Variants in CCDC121 observed in about 807,000 individuals in gnomAD.
CCDC121 encodes the protein coiled-coil domain containing 121.
For synonymous variants in CCDC121, 108 were observed against 120.0 expected, an observed-to-expected ratio of 0.90 and a Z score of 0.65; for missense variants, 238 against 304.1, an observed-to-expected ratio of 0.78 and a Z score of 1.62.
In CCDC121 at chr2:27,627,709, G is replaced by A; in HGVS notation, c.91C>T (p.Leu31Phe). 6.2e-7 allele frequency: 1 copy of A among 1,613,902 alleles called. No individual in the cohort carries two copies. The highest frequency in any genetic ancestry group is 8.5e-7 in the Non-Finnish European group (1 of 1,180,020). The change falls in exon 2 of 2, where the codon CTT becomes TTT. Residue 31 changes from leucine (L) to phenylalanine (F), a missense_variant. Physicochemically the swap from Leu to Phe is conservative, Grantham distance 22. Coordinates refer to ENST00000324364, the MANE Select transcript of CCDC121 (RefSeq NM_024584.5). Reference sequence around the variant, plus strand: ...AAGAATCTGTTTTCAGCCTGGACAAGTAACTTTTCTCGGTGTAGCTCCCTG... The same window carrying A: ...AAGAATCTGTTTTCAGCCTGGACAAATAACTTTTCTCGGTGTAGCTCCCTG... The part of the protein sequence containing the change: ...ESRELHREKL[L>F]VQAENRFFLE...
chr2:27,627,554 T>C lies in CCDC121; in HGVS notation c.246A>G (p.Gln82=), dbSNP rs757138149. 28 of 1,614,190 alleles carry C rather than the reference T, an allele frequency of 1.7e-5. No homozygotes were observed. The highest frequency in any genetic ancestry group is 2.1e-5 in the Non-Finnish European group (25 of 1,180,036). The change falls in exon 2 of 2, where the codon CAA becomes CAG. Residue 82 remains glutamine (Q), a synonymous_variant. Transcript: ENST00000324364. ...AGAGCGCTGTTTTAAGCACTGAAAT[T>C]TGTTCTGCATATCTGGAGGCTGATT... ...RQESASRYAE[Q]ISVLKTALLQ... is the part of the protein sequence containing the mutation.
chr2:27,628,769 C>T, intron 1 of CCDC121, 181 bp downstream of exon 1: 2 of 1,534,476 alleles, frequency 1.3e-6, no homozygotes, highest in Non-Finnish European at 1.8e-6. Flanking sequence ...CCCATCTCTT[C>T]TGGCCTTCCT....
In CCDC121 at chr2:27,627,282, A is replaced by G. The variant is rs747230811; in HGVS notation, c.518T>C (p.Leu173Pro). ...CTTCAAGGCCTGGGCCTTCATATTA[A>G]GCTCTCTTCTTTTTCTCTTTCCCAG... ...RLLGKRKRRELNMKAQALKLA... is the reference protein window; with the variant it reads ...RLLGKRKRREPNMKAQALKLA... Residue 173 changes from leucine to proline, a missense_variant, in exon 2 of 2, where the codon CTT (leucine) becomes CCT (proline). By Grantham distance (98) the Leu-to-Pro change is moderately conservative. Transcript: ENST00000324364. 1.2e-6 allele frequency: 2 copies of G among 1,613,886 alleles called. No homozygotes were observed. The highest frequency in any genetic ancestry group is 1.7e-6 in the Non-Finnish European group (2 of 1,179,860).
chr2:27,627,888 G>C lies in CCDC121; in HGVS notation c.-89C>G. 6.2e-7 allele frequency: 1 copy of C among 1,613,742 alleles called. No individual in the cohort carries two copies. Among genetic ancestry groups the C allele is most frequent in the Non-Finnish European group, 8.5e-7 (1 of 1,179,778 alleles). On this transcript the variant is annotated 5_prime_UTR_variant, in exon 2 of 2. Transcript: ENST00000324364. The stretch of plus-strand genomic sequence containing the variant: ...ATTATTTATTAGACTATGATACGGT[G>C]GAAGGAGCCTTCTGGGGCCCTCAGC...
At position 27,627,740 on chromosome 2, in the gene CCDC121, C is replaced by G. The variant is rs374569894; in HGVS notation, c.60G>C (p.Glu20Asp). ...QAQTQRKQLL[E>D]ESRELHREKL... ...TTTCTCGGTGTAGCTCCCTGGATTC[C>G]TCCAGTAGCTGTTTCCGCTGGGTTT... Residue 20 changes from glutamate to aspartate, a missense_variant, in exon 2 of 2, where the codon GAG becomes GAC. Transcript: ENST00000324364. The G allele has an allele frequency of 1.2e-6, 2 of 1,613,660 alleles. No individual in the cohort carries two copies. Among genetic ancestry groups the G allele is most frequent in the African/African-American group, 2.7e-5 (2 of 74,760 alleles).
At position 27,627,878 on chromosome 2, in the gene CCDC121, A is replaced by G. The variant is rs1558483109; in HGVS notation, c.-79T>C. 6.2e-7 allele frequency: 1 copy of G among 1,614,078 alleles called. No individual in the cohort carries two copies. The highest frequency in any genetic ancestry group is 1.3e-5 in the African/African-American group (1 of 75,026). Reference sequence around the variant, plus strand: ...GCTTGACAAAATTATTTATTAGACTATGATACGGTGGAAGGAGCCTTCTGG... The same window carrying G: ...GCTTGACAAAATTATTTATTAGACTGTGATACGGTGGAAGGAGCCTTCTGG... On this transcript the variant is annotated 5_prime_UTR_variant, in exon 2 of 2. Coordinates refer to ENST00000324364, the MANE Select transcript of CCDC121 (RefSeq NM_024584.5).
intron 1 of CCDC121, chr2:27,628,285 GT>G: frequency 9.6e-7 from 1 of 1,046,494 alleles, no homozygotes; most frequent in Non-Finnish European, 1.3e-6. Context: ...AACAGACTGG[GT>G]GGTCAGGAGT....
At chr2:27,628,292 G>T in intron 1 of CCDC121, 2 of 1,133,202 alleles carry the variant, frequency 1.8e-6, no homozygotes, top group South Asian at 1.6e-5. Context: ...TGGGTGGTCA[G>T]GAGTAGAAAT....
chr2:27,625,959 C>T lies in CCDC121; in HGVS notation c.*1004G>A, dbSNP rs969455481. On this transcript the variant is annotated 3_prime_UTR_variant, in exon 2 of 2. Transcript: ENST00000324364. ...TAAATCACTAGTCCAACTTCAATGT[C>T]GTAGAACCCAAAAAAAATATAACTA... is the stretch of plus-strand genomic sequence containing the variant. The T allele has an allele frequency of 6.6e-6, 1 of 151,532 alleles. No homozygotes were observed. The highest frequency in any genetic ancestry group is 1.5e-5 in the Non-Finnish European group (1 of 67,910). The allele number at this position is 151,532 out of a possible 1,614,324, so 9.4% of individuals were successfully genotyped here.
At position 27,627,570 on chromosome 2, in the gene CCDC121, G is replaced by A. The variant is rs377043875; in HGVS notation, c.230C>T (p.Ser77Phe). 3.1e-6 allele frequency: 5 copies of A among 1,614,122 alleles called. No individual in the cohort carries two copies. In the South Asian group the frequency reaches 4.4e-5, roughly 14 times the overall value. ...EIERRRQESA[S>F]RYAEQISVLK... Reference sequence around the variant, plus strand: ...CACTGAAATTTGTTCTGCATATCTGGAGGCTGATTCTTGTCTTCTTCGTTC... The same window carrying A: ...CACTGAAATTTGTTCTGCATATCTGAAGGCTGATTCTTGTCTTCTTCGTTC... The change falls in exon 2 of 2, where the codon TCC (serine) becomes TTC (phenylalanine). Residue 77 changes from serine (S) to phenylalanine (F), a missense_variant. Coordinates refer to ENST00000324364, the MANE Select transcript of CCDC121 (RefSeq NM_024584.5).
intron 1 of CCDC121, chr2:27,628,352 A>T: frequency 6.6e-7 from 1 of 1,505,260 alleles, no homozygotes; most frequent in Non-Finnish European, 8.9e-7. Context: ...AGGGACCTTC[A>T]GTGACTGGAG....
intron 1 of CCDC121, chr2:27,628,509 ATG>A: frequency 6.4e-7 from 1 of 1,551,468 alleles, no homozygotes; most frequent in Non-Finnish European, 8.7e-7. Flanking sequence ...CGCGGGAACA[ATG>A]TGCAAGTGTG....
At chr2:27,628,703 T>G (rs1475653778) in intron 1 of CCDC121, 4 of 1,551,640 alleles carry the variant, frequency 2.6e-6, no homozygotes, top group South Asian at 2.4e-5. Context: ...CTCTGTGGGC[T>G]CAAAATGACA....
Position 27,626,914 on chromosome 2 carries a change from C to T in CCDC121, c.*49G>A, listed in dbSNP as rs201062867. 2 of 1,351,986 alleles carry T rather than the reference C, an allele frequency of 1.5e-6. No homozygotes were observed. Among genetic ancestry groups the T allele is most frequent in the Non-Finnish European group, 2.1e-6 (2 of 973,674 alleles). The allele number at this position is 1,351,986 out of a possible 1,614,324, so 83.7% of individuals were successfully genotyped here. On this transcript the variant is annotated 3_prime_UTR_variant, in exon 2 of 2. Coordinates refer to ENST00000324364, the MANE Select transcript of CCDC121 (RefSeq NM_024584.5). ...CCTTTCTAACCAGGTTAATGTAGCA[C>T]TTAAGAGTACTTGCTCCAGTTCTTA...
At position 27,627,326 on chromosome 2, in the gene CCDC121, G is replaced by T. The variant is rs770378452; in HGVS notation, c.474C>A (p.Ser158Arg). 1.4e-5 allele frequency: 23 copies of T among 1,613,806 alleles called. No individual in the cohort carries two copies. The highest frequency in any genetic ancestry group is 1.9e-5 in the Non-Finnish European group (23 of 1,179,876). The change falls in exon 2 of 2, where the codon AGC (serine) becomes AGA (arginine). Residue 158 changes from serine to arginine, a missense_variant. Physicochemically the swap from Ser to Arg is moderately radical, Grantham distance 110. Transcript: ENST00000324364. Reference sequence around the variant, plus strand: ...TTCCCAGTAGCCTCCTGTCTGGCTCGCTCAGTTGTTTCTCCAGTAATCTTT... The same window carrying T: ...TTCCCAGTAGCCTCCTGTCTGGCTCTCTCAGTTGTTTCTCCAGTAATCTTT... ...QEKRLLEKQL[S>R]EPDRRLLGKR...
chr2:27,627,306 A>T lies in CCDC121; in HGVS notation c.494T>A (p.Leu165Gln). Residue 165 changes from leucine (L) to glutamine (Q), a missense_variant, in exon 2 of 2, where the codon CTG (leucine) becomes CAG (glutamine). Leu to Gln is a moderately radical substitution (Grantham distance 113). Coordinates refer to ENST00000324364, the MANE Select transcript of CCDC121 (RefSeq NM_024584.5). ...AAGCTCTCTTCTTTTTCTCTTTCCC[A>T]GTAGCCTCCTGTCTGGCTCGCTCAG... ...KQLSEPDRRL[L>Q]GKRKRRELNM... The T allele has an allele frequency of 6.2e-7, 1 of 1,613,878 alleles. No homozygotes were observed. The highest frequency in any genetic ancestry group is 8.5e-7 in the Non-Finnish European group (1 of 1,179,844).
intron 1 of CCDC121, chr2:27,628,207 G>A (rs761446254): frequency 1.4e-5 from 9 of 657,268 alleles, no homozygotes; most frequent in Admixed American, 5.9e-5. Flanking sequence ...GCAAGTGGCA[G>A]AGCCTGGGTA....
At chr2:27,628,163 A>T (rs1397194167) in intron 1 of CCDC121, 1 of 623,726 alleles carries the variant, frequency 1.6e-6, no homozygotes, top group Non-Finnish European at 2.8e-6. Context: ...AGGTTCAGAG[A>T]GTTTAAGTGA....
chr2:27,628,958 T>G lies in CCDC121; in HGVS notation c.-127A>C. ...ACCGCCGCGCCCCTCACCCGCTCCT[T>G]TCTGACGCTGTGGTGGTTTTCGTTC... On this transcript the variant is annotated 5_prime_UTR_variant, in exon 1 of 2. Coordinates refer to ENST00000324364, the MANE Select transcript of CCDC121 (RefSeq NM_024584.5). The G allele has an allele frequency of 1.3e-6, 2 of 1,567,972 alleles. No homozygotes were observed. The highest frequency in any genetic ancestry group is 1.7e-6 in the Non-Finnish European group (2 of 1,156,710).
Sources: gnomAD v4.1 joint callset for allele counts on GRCh38, gnomAD v4.1.1 for gene constraint, MANE v1.5 for transcripts, NCBI Gene and HGNC (gene_info 2026-07-23, HGNC 2026-07-21) for gene names.